Variants in MEGF11 observed in about 807,000 individuals in gnomAD.
MEGF11 encodes the protein multiple EGF like domains 11.
Under a neutral mutation model 146.6 loss-of-function variants are expected in MEGF11, and 126 were observed. That is an observed-to-expected ratio of 0.86 (90% CI 0.74 to 1.00). The LOEUF (loss-of-function observed/expected upper bound fraction) is 1.00, where lower values mean the gene tolerates loss of function less well. Among genes scored for constraint, MEGF11 ranks in the 50% least tolerant of loss-of-function variants. MEGF11 has a pLI of 0.00. For synonymous variants in MEGF11, 532 were observed against 583.4 expected (o/e 0.91, Z 1.27); for missense variants, 1,509 against 1,521.2 (o/e 0.99, Z 0.13).
chr15:66,215,534 A>G (rs763305434), intron 1 of MEGF11, among the ~76,000 whole-genome samples: 5 of 152,342 alleles, frequency 3.3e-5, no homozygotes, highest in Middle Eastern at 3.4e-3. Context: ...CATTTATCAT[A>G]CAGACAAATA....
intron 16 of MEGF11, among the ~76,000 whole-genome samples, chr15:65,917,680 G>A (rs1467603126): frequency 1.3e-5 from 2 of 152,138 alleles, no homozygotes; most frequent in East Asian, 1.9e-4. Context: ...ATCCAAACTC[G>A]GGCTGCTCCT....
chr15:65,961,250 A>C (rs1022027086), intron 9 of MEGF11, among the ~76,000 whole-genome samples: 1 of 152,180 alleles, frequency 6.6e-6, no homozygotes, highest in African/African-American at 2.4e-5. Flanking sequence ...CAGAAGTTAC[A>C]GTCACTTGTG....
chr15:66,133,252 G>T lies in MEGF11; in HGVS notation c.-8-4841C>A, dbSNP rs138758062. On this transcript the variant is annotated intron_variant, in intron 1 of 25. Transcript: ENST00000395614. ...ACCCCATCAGCACCAGCGCATGTCT[G>T]CTCCCCACACCAGCACAAGGCAGGC... Among the ~76,000 whole-genome samples, 119 of 152,300 alleles carry T rather than the reference G, an allele frequency of 7.8e-4. 1 individual carries two copies. The highest frequency in any genetic ancestry group is 6.8e-3 in the Middle Eastern group (2 of 294).
At chr15:66,146,207 C>T (rs1040640732) in intron 1 of MEGF11, among the ~76,000 whole-genome samples, 9 of 152,178 alleles carry the variant, frequency 5.9e-5, no homozygotes, top group African/African-American at 1.7e-4. Flanking sequence ...AAAAAGATAA[C>T]GCAAGCGAAA....
chr15:66,248,735 A>G (rs142589453), intron 1 of MEGF11, among the ~76,000 whole-genome samples: 14 of 152,344 alleles, frequency 9.2e-5, no homozygotes, highest in African/African-American at 2.9e-4. Context: ...AGAGACCATC[A>G]GCGAAACTCC....
intron 1 of MEGF11, among the ~76,000 whole-genome samples, chr15:66,168,499 G>C (rs2090159725): frequency 2.0e-5 from 3 of 152,186 alleles, no homozygotes; most frequent in Non-Finnish European, 4.4e-5. Flanking sequence ...CTTGATGTAA[G>C]TTACTGAGCA....
chr15:66,058,329 C>T (rs2084763484), intron 5 of MEGF11, among the ~76,000 whole-genome samples: 1 of 152,166 alleles, frequency 6.6e-6, no homozygotes, highest in Non-Finnish European at 1.5e-5. Flanking sequence ...CTACCATTTC[C>T]ATCAAGCCTG....
intron 12 of MEGF11, 54 bp from the exon 13 acceptor site, chr15:65,928,581 G>A: frequency 1.6e-6 from 2 of 1,247,892 alleles, no homozygotes; most frequent in Admixed American, 4.1e-5. Context: ...CCAGAGGTTT[G>A]TGTACTTCTA....
rs758592815 is a variant in MEGF11 at position 65,913,985 on chromosome 15, G to C, written c.2474-12C>G. 5.0e-6 allele frequency: 8 copies of C among 1,610,200 alleles called. No individual in the cohort carries two copies. The highest frequency in any genetic ancestry group is 6.8e-6 in the Non-Finnish European group (8 of 1,177,094). ...CATCATGAGGGCAGCTGCGGGCAGA[G>C]GGAGGGCCTGAGCCTGGGGCTGGCC... is the stretch of plus-strand genomic sequence containing the variant. On this transcript the variant is annotated splice_polypyrimidine_tract_variant and intron_variant, in intron 19 of 25. Transcript: ENST00000395614.
chr15:65,932,378 T>G (rs1453881022), intron 10 of MEGF11, among the ~76,000 whole-genome samples: 3 of 152,148 alleles, frequency 2.0e-5, no homozygotes, highest in Non-Finnish European at 2.9e-5. Context: ...AATGAGTGCT[T>G]CTGTCCTGAG....
intron 1 of MEGF11, among the ~76,000 whole-genome samples, chr15:66,204,324 C>T (rs1025650941): frequency 4.6e-5 from 7 of 152,070 alleles, no homozygotes; most frequent in Admixed American, 3.9e-4. Context: ...ATCACTTGAG[C>T]CCAGGGTGGG....
intron 8 of MEGF11, among the ~76,000 whole-genome samples, chr15:65,966,339 G>A (rs2081096297): frequency 6.6e-6 from 1 of 152,186 alleles, no homozygotes; most frequent in South Asian, 2.1e-4. Context: ...TGTAATTGGT[G>A]ACATGTCATA....
intron 4 of MEGF11, among the ~76,000 whole-genome samples, chr15:66,100,655 CCTCA>C (rs780644526): frequency 7.9e-5 from 12 of 152,136 alleles, no homozygotes; most frequent in Non-Finnish European, 1.2e-4. Context: ...CACATGGGAA[CCTCA>C]CTATGTTTTT....
intron 1 of MEGF11, among the ~76,000 whole-genome samples, chr15:66,199,755 C>T (rs1299096188): frequency 6.6e-5 from 10 of 152,114 alleles, no homozygotes. Flanking sequence ...CACCACTGCA[C>T]TTCAGCCTGG....
intron 5 of MEGF11, among the ~76,000 whole-genome samples, chr15:66,031,864 G>C (rs921401093): frequency 4.6e-5 from 7 of 152,210 alleles, no homozygotes; most frequent in Non-Finnish European, 8.8e-5. Context: ...CATTATCTTG[G>C]GAGTGGCTTC....
chr15:66,019,577 G>C (rs1396575425), intron 5 of MEGF11, among the ~76,000 whole-genome samples: 2 of 152,128 alleles, frequency 1.3e-5, no homozygotes, highest in Non-Finnish European at 2.9e-5. Flanking sequence ...CTAGGGAACC[G>C]CAAGCCCCTT....
At chr15:65,928,393 A>G (rs2079448726) in intron 13 of MEGF11, 32 bp downstream of exon 13, 1 of 1,498,706 alleles carries the variant, frequency 6.7e-7, no homozygotes, top group Non-Finnish European at 9.1e-7. Flanking sequence ...GTTTCACAGT[A>G]CCTGGGTGGT....
At chr15:65,958,232 C>T (rs1038265141) in intron 9 of MEGF11, among the ~76,000 whole-genome samples, 1 of 152,212 alleles carries the variant, frequency 6.6e-6, no homozygotes, top group African/African-American at 2.4e-5. Flanking sequence ...CCAGATGTGG[C>T]CTCCTCTCTC....
chr15:66,089,792 C>T (rs1001223760), intron 5 of MEGF11, among the ~76,000 whole-genome samples: 3 of 152,164 alleles, frequency 2.0e-5, no homozygotes, highest in African/African-American at 4.8e-5. Flanking sequence ...TTTAATATTC[C>T]TAATTACTTT....
Sources: gnomAD v4.1 joint callset for allele counts (sites outside exome capture counted in the v4.1 genomes callset) on GRCh38, gnomAD v4.1.1 for gene constraint, MANE v1.5 for transcripts, NCBI Gene and HGNC (gene_info 2026-07-23, HGNC 2026-07-21) for gene names.